Variants in GALNT7 observed in about 807,000 individuals in gnomAD.
The protein encoded by GALNT7 is polypeptide N-acetylgalactosaminyltransferase 7, also known as N-acetylgalactosaminyltransferase 7.
In GALNT7, 60 loss-of-function variants were observed where a neutral mutation model predicts 82.1. The observed-to-expected ratio is 0.73, with a 90% CI of 0.59 to 0.91. The LOEUF (loss-of-function observed/expected upper bound fraction) is 0.91, where lower values mean the gene tolerates loss of function less well. Ranked by LOEUF, GALNT7 falls within the 40% of genes least tolerant of loss-of-function variation. The probability of loss-of-function intolerance (pLI) is 0.00; values close to 1 mark genes in which losing one functional copy is unlikely to be tolerated. For synonymous variants in GALNT7, 243 were observed against 275.1 expected, an observed-to-expected ratio of 0.88 and a Z score of 1.15; for missense variants, 660 against 804.2, an observed-to-expected ratio of 0.82 and a Z score of 2.17.
At chr4:173,297,389 T>C (rs1466142656) in intron 5 of GALNT7, among the ~76,000 whole-genome samples, 1 of 152,208 alleles carries the variant, frequency 6.6e-6, no homozygotes, top group African/African-American at 2.4e-5. Context: ...TGGCAAGTAC[T>C]ATCTGTGACC....
At position 173,313,570 on chromosome 4, in the gene GALNT7, CAAA is replaced by C. The variant is rs957463269; in HGVS notation, c.1390-374_1390-372del. On this transcript the variant is annotated intron_variant, in intron 8 of 11. Coordinates refer to ENST00000265000, the MANE Select transcript of GALNT7 (RefSeq NM_017423.3). The stretch of plus-strand genomic sequence containing the variant: ...TGAATGACAGAGCAAGACCCCATCA[CAAA>C]AAAAAAAAAAAAAGAAAAGAAAAGA... Among the ~76,000 whole-genome samples, 20 of 62,376 alleles carry C rather than the reference CAAA, an allele frequency of 3.2e-4. No homozygotes were observed. The East Asian group carries it at 6.2e-3, about 19-fold the overall frequency. 40.9% of individuals were successfully genotyped at this position (62,376 alleles called of 152,430 possible). A position where few individuals can be genotyped will look rare whatever the true frequency, so the allele number is the denominator to read the frequency against.
intron 1 of GALNT7, among the ~76,000 whole-genome samples, chr4:173,200,447 T>C (rs1579905008): frequency 6.6e-6 from 1 of 150,880 alleles, no homozygotes; most frequent in Non-Finnish European, 1.5e-5. Context: ...GGGATTCTAC[T>C]CTTAAAAAAA....
At chr4:173,235,742 G>C (rs1734203694) in intron 1 of GALNT7, among the ~76,000 whole-genome samples, 1 of 152,046 alleles carries the variant, frequency 6.6e-6, no homozygotes, top group Admixed American at 6.5e-5. Context: ...TTTTAGAAGA[G>C]ATGGAGTTTC....
chr4:173,235,209 A>C (rs1009946708), intron 1 of GALNT7, among the ~76,000 whole-genome samples: 1 of 151,978 alleles, frequency 6.6e-6, no homozygotes, highest in African/African-American at 2.4e-5. Context: ...CAGCCAGGGG[A>C]TTGTTTTCAA....
intron 2 of GALNT7, chr4:173,282,435 A>G (rs1736148268): frequency 6.6e-6 from 1 of 151,984 alleles, no homozygotes; most frequent in Non-Finnish European, 1.5e-5. Flanking sequence ...GTTTTTGCCC[A>G]TTGCTGTGAC....
intron 2 of GALNT7, among the ~76,000 whole-genome samples, chr4:173,271,317 T>C (rs1735713562): frequency 1.3e-5 from 2 of 152,212 alleles, no homozygotes; most frequent in African/African-American, 2.4e-5. Context: ...AAGTAGCAAC[T>C]TTAAATATTT....
intron 1 of GALNT7, among the ~76,000 whole-genome samples, chr4:173,207,396 A>G (rs971100043): frequency 3.9e-5 from 6 of 152,228 alleles, no homozygotes; most frequent in African/African-American, 1.4e-4. Flanking sequence ...ACATTTATGT[A>G]TATATATTAC....
chr4:173,183,507 T>C (rs1312814725), intron 1 of GALNT7, among the ~76,000 whole-genome samples: 2 of 152,116 alleles, frequency 1.3e-5, no homozygotes, highest in African/African-American at 4.8e-5. Context: ...GGCAGAAGAA[T>C]TTTTCTTAGT....
rs369776093 is a variant in GALNT7 at position 173,295,362 on chromosome 4, C to G, written c.755-34C>G. The G allele has an allele frequency of 9.2e-6, 13 of 1,415,800 alleles. No homozygotes were observed. The African/African-American group carries it at 1.8e-4, about 20-fold the overall frequency. 87.7% of individuals were successfully genotyped at this position (1,415,800 alleles called of 1,614,324 possible). Reference sequence around the variant, plus strand: ...TAATAACTAATTGGTTTCTATTCGTCTAATTTATAATATCGATTGATTTTT... The same window carrying G: ...TAATAACTAATTGGTTTCTATTCGTGTAATTTATAATATCGATTGATTTTT... On this transcript the variant is annotated intron_variant, in intron 3 of 11. Transcript: ENST00000265000.
chr4:173,234,382 G>T (rs1036306904), intron 1 of GALNT7, among the ~76,000 whole-genome samples: 1 of 152,110 alleles, frequency 6.6e-6, no homozygotes, highest in Non-Finnish European at 1.5e-5. Context: ...TATAAATTCT[G>T]TTTCTGTCTC....
intron 2 of GALNT7, among the ~76,000 whole-genome samples, chr4:173,271,767 T>C (rs548774965): frequency 5.9e-5 from 9 of 152,310 alleles, no homozygotes; most frequent in South Asian, 2.1e-4. Context: ...CCAAGTAGTA[T>C]ATTTTAAAAA....
chr4:173,285,827 A>G (rs1481780871), intron 2 of GALNT7, among the ~76,000 whole-genome samples: 1 of 152,222 alleles, frequency 6.6e-6, no homozygotes, highest in Non-Finnish European at 1.5e-5. Context: ...ACAGATGTTG[A>G]GAGGGGCTTA....
rs1346297701 is a variant in GALNT7 at position 173,280,991 on chromosome 4, T to C, written c.588-11117T>C. ...GTAATTGAAGGTAGCTCAATTTGTGTTGGGCTGAAGCTTTCATTTGGGATA... is the reference window on the plus strand; with the variant it reads ...GTAATTGAAGGTAGCTCAATTTGTGCTGGGCTGAAGCTTTCATTTGGGATA... On this transcript the variant is annotated intron_variant, in intron 2 of 11. Coordinates refer to ENST00000265000, the MANE Select transcript of GALNT7 (RefSeq NM_017423.3). Among the ~76,000 whole-genome samples the C allele has an allele frequency of 3.2e-4, 49 of 152,316 alleles. 1 individual carries two copies. The highest frequency in any genetic ancestry group is 4.4e-5 in the Non-Finnish European group (3 of 68,026).
At chr4:173,247,251 G>A (rs938494253) in intron 1 of GALNT7, among the ~76,000 whole-genome samples, 8 of 151,222 alleles carry the variant, frequency 5.3e-5, no homozygotes, top group East Asian at 1.9e-4. Flanking sequence ...TGATGAAGAC[G>A]GCCCAAACAG....
At chr4:173,212,691 A>G (rs1159484565) in intron 1 of GALNT7, among the ~76,000 whole-genome samples, 1 of 150,828 alleles carries the variant, frequency 6.6e-6, no homozygotes, top group African/African-American at 2.4e-5. Context: ...ATGTTAAGGT[A>G]TAGTGATTTG....
At chr4:173,183,513 T>G (rs1243386044) in intron 1 of GALNT7, among the ~76,000 whole-genome samples, 4 of 152,180 alleles carry the variant, frequency 2.6e-5, no homozygotes, top group Admixed American at 2.6e-4. Flanking sequence ...AGAATTTTTC[T>G]TAGTACAGAA....
chr4:173,240,651 G>A (rs1734397701), intron 1 of GALNT7, among the ~76,000 whole-genome samples: 1 of 152,124 alleles, frequency 6.6e-6, no homozygotes, highest in African/African-American at 2.4e-5. Flanking sequence ...TTATAGGCAT[G>A]AGCCACCGTG....
At chr4:173,188,256 C>T (rs1732517280) in intron 1 of GALNT7, among the ~76,000 whole-genome samples, 1 of 152,218 alleles carries the variant, frequency 6.6e-6, no homozygotes, top group Admixed American at 6.5e-5. Flanking sequence ...GTCACTTGGT[C>T]TTCTAGGTAA....
intron 1 of GALNT7, among the ~76,000 whole-genome samples, chr4:173,218,153 G>A (rs962075485): frequency 6.6e-6 from 1 of 152,126 alleles, no homozygotes; most frequent in African/African-American, 2.4e-5. Context: ...AATAAAGATA[G>A]ATTAGTGATT....
Sources: allele counts gnomAD v4.1 joint callset (sites outside exome capture counted in the v4.1 genomes callset), GRCh38; gene constraint gnomAD v4.1.1; transcripts MANE v1.5; gene names NCBI Gene and HGNC (gene_info 2026-07-23, HGNC 2026-07-21).